Variants in WWC2 observed in about 807,000 individuals in gnomAD.
WWC2 encodes WW and C2 domain containing 2.
A neutral mutation model predicts 138.5 loss-of-function variants in WWC2; 101 were observed. That is an observed-to-expected ratio of 0.73 (90% CI 0.62 to 0.86). The LOEUF (loss-of-function observed/expected upper bound fraction) is 0.86. Among genes scored for constraint, WWC2 ranks in the 40% least tolerant of loss-of-function variants. The pLI, the probability that WWC2 is intolerant of heterozygous loss-of-function variation, is 0.00. For missense variants in WWC2, 1,420 were observed against 1,419.4 expected (o/e 1.00, Z -0.01); for synonymous variants, 558 against 538.4 (o/e 1.04, Z -0.50).
intron 1 of WWC2, among the ~76,000 whole-genome samples, chr4:183,135,557 T>G (rs964344164): frequency 2.6e-5 from 4 of 151,642 alleles, no homozygotes; most frequent in Admixed American, 6.6e-5. Flanking sequence ...TATATATATA[T>G]ATAGATACAC....
Position 183,318,273 on chromosome 4 carries a change from A to G in WWC2, c.*2544A>G, listed in dbSNP as rs1388493216. 2 of 152,680 alleles carry G rather than the reference A, an allele frequency of 1.3e-5. No homozygotes were observed. The highest frequency in any genetic ancestry group is 4.8e-5 in the African/African-American group (2 of 41,474). 9.5% of individuals were successfully genotyped at this position (152,680 alleles called of 1,614,324 possible). On this transcript the variant is annotated 3_prime_UTR_variant, in exon 23 of 23. Coordinates refer to ENST00000403733, the MANE Select transcript of WWC2 (RefSeq NM_024949.6). ...CAAAGTTTAGCTAAATCTCTGTAGC[A>G]TGCAAATCAAATAAATTAAAATTTT...
chr4:183,220,663 T>C (rs1263162897), intron 4 of WWC2, among the ~76,000 whole-genome samples: 3 of 151,518 alleles, frequency 2.0e-5, no homozygotes, highest in Non-Finnish European at 4.4e-5. Context: ...TGAAACGCCA[T>C]CTCTACTAAA....
intron 14 of WWC2, among the ~76,000 whole-genome samples, chr4:183,268,750 G>A (rs1209737393): frequency 1.3e-5 from 2 of 152,172 alleles, no homozygotes; most frequent in Non-Finnish European, 2.9e-5. Context: ...GGTGAGTGGA[G>A]GCTGGGCCAT....
intron 8 of WWC2, among the ~76,000 whole-genome samples, chr4:183,251,930 G>A (rs1045409546): frequency 6.6e-6 from 1 of 151,958 alleles, no homozygotes; most frequent in African/African-American, 2.4e-5. Context: ...TGCTTATTTC[G>A]CATTTTGATG....
rs1393047732 is a variant in WWC2, at chr4:183,316,918, G to A, written c.*1189G>A. 6.6e-6 allele frequency: 1 copy of A among 152,130 alleles called. No individual in the cohort carries two copies. The highest frequency in any genetic ancestry group is 2.1e-4 in the South Asian group (1 of 4,830). 9.4% of individuals were successfully genotyped at this position (152,130 alleles called of 1,614,324 possible). On this transcript the variant is annotated 3_prime_UTR_variant, in exon 23 of 23. Coordinates refer to ENST00000403733, the MANE Select transcript of WWC2 (RefSeq NM_024949.6). Reference sequence around the variant, plus strand: ...CCTATTTTGGATGAACAAGTTTAGAGAGATAAACTGACTAATGTGTCCTCC... The same window carrying A: ...CCTATTTTGGATGAACAAGTTTAGAAAGATAAACTGACTAATGTGTCCTCC...
At chr4:183,127,182 A>G (rs1225274954) in intron 1 of WWC2, among the ~76,000 whole-genome samples, 2 of 152,206 alleles carry the variant, frequency 1.3e-5, no homozygotes, top group African/African-American at 4.8e-5. Flanking sequence ...TGATGATTCA[A>G]AGATTAAACG....
At chr4:183,289,367 T>A (rs976947117) in intron 20 of WWC2, 26 bp from the exon 21 acceptor site, 1 of 1,603,346 alleles carries the variant, frequency 6.2e-7, no homozygotes, top group African/African-American at 1.3e-5. Context: ...ACCAGGGTGT[T>A]CGTCATTCCG....
chr4:183,162,611 A>G (rs1359598463), intron 1 of WWC2, among the ~76,000 whole-genome samples: 1 of 151,748 alleles, frequency 6.6e-6, no homozygotes, highest in Non-Finnish European at 1.5e-5. Context: ...ACATTTCTTC[A>G]TCTTCCCTCT....
At chr4:183,280,681 C>T in intron 16 of WWC2, 95 bp from the exon 17 acceptor site, 4 of 1,347,102 alleles carry the variant, frequency 3.0e-6, no homozygotes, top group Non-Finnish European at 4.0e-6. Context: ...GTTGAGTCGT[C>T]TTTACAGATA....
intron 11 of WWC2, among the ~76,000 whole-genome samples, chr4:183,263,943 G>T (rs1232788714): frequency 6.6e-6 from 1 of 152,134 alleles, no homozygotes; most frequent in Admixed American, 6.5e-5. Context: ...GCCAGTCCCT[G>T]CTGGATGACA....
chr4:183,261,454 G>A lies in WWC2; in HGVS notation c.1831G>A (p.Gly611Arg). 1 of 1,612,552 alleles carries A rather than the reference G, an allele frequency of 6.2e-7. No homozygotes were observed. The highest frequency in any genetic ancestry group is 8.5e-7 in the Non-Finnish European group (1 of 1,179,266). The change falls in exon 11 of 23, where the codon GGA becomes AGA. Residue 611 changes from glycine (G) to arginine (R), a missense_variant. Transcript: ENST00000403733. ...TCAGATTTTGCTGGATTCTGATTCA[G>A]GAGGAGCCTCCCAGTCTCTTTCAGA... is the stretch of plus-strand genomic sequence containing the variant. ...ENQILLDSDS[G>R]GASQSLSEDK...
intron 1 of WWC2, among the ~76,000 whole-genome samples, chr4:183,189,386 G>A (rs555769198): frequency 8.3e-4 from 126 of 151,220 alleles, no homozygotes; most frequent in African/African-American, 3.0e-3. Flanking sequence ...GCAGTGAGCC[G>A]AGATCGCGCC....
chr4:183,311,872 C>A (rs570058031), intron 21 of WWC2, among the ~76,000 whole-genome samples: 2 of 152,048 alleles, frequency 1.3e-5, no homozygotes, highest in Admixed American at 6.5e-5. Context: ...CCACCGCACC[C>A]GGCATGTGCA....
At chr4:183,278,320 C>T (rs1334440458) in intron 16 of WWC2, among the ~76,000 whole-genome samples, 2 of 152,088 alleles carry the variant, frequency 1.3e-5, no homozygotes, top group African/African-American at 2.4e-5. Flanking sequence ...GGGCTCTGTT[C>T]TGTTCCATTG....
At chr4:183,294,220 G>A (rs1427947425) in intron 21 of WWC2, among the ~76,000 whole-genome samples, 2 of 152,070 alleles carry the variant, frequency 1.3e-5, no homozygotes, top group East Asian at 3.9e-4. Flanking sequence ...TAATAATGTG[G>A]AGATGGCCAA....
intron 2 of WWC2, among the ~76,000 whole-genome samples, chr4:183,207,499 C>G (rs1223836263): frequency 6.6e-6 from 1 of 152,136 alleles, no homozygotes; most frequent in Non-Finnish European, 1.5e-5. Flanking sequence ...ATTACTGTTG[C>G]GGACATAAAA....
chr4:183,099,845 A>G (rs1743109175), intron 1 of WWC2, among the ~76,000 whole-genome samples: 1 of 149,960 alleles, frequency 6.7e-6, no homozygotes, highest in Non-Finnish European at 1.5e-5. Context: ...GCCCCGAGGC[A>G]AGGCTGGAGT....
intron 21 of WWC2, among the ~76,000 whole-genome samples, chr4:183,305,707 A>T (rs1205341554): frequency 6.6e-6 from 1 of 152,150 alleles, no homozygotes; most frequent in African/African-American, 2.4e-5. Context: ...ATTTTTTCAG[A>T]CAAACAAAAA....
Position 183,255,873 on chromosome 4 carries a change from T to C in WWC2, c.1196+1874T>C, listed in dbSNP as rs1033269280. 3.3e-5 allele frequency among the ~76,000 whole-genome samples: 5 copies of C among 149,304 alleles called. No individual in the cohort carries two copies. In the East Asian group the frequency reaches 9.7e-4, roughly 29 times the overall value. On this transcript the variant is annotated intron_variant, in intron 9 of 22. Coordinates refer to ENST00000403733, the MANE Select transcript of WWC2 (RefSeq NM_024949.6). ...AATTCCAGTGAAATAGGAGGCTTTT[T>C]TTCCTTTTTTTTTTTTTTAACGAAC...
Sources: allele counts gnomAD v4.1 joint callset (sites outside exome capture counted in the v4.1 genomes callset), GRCh38; gene constraint gnomAD v4.1.1; transcripts MANE v1.5; gene names NCBI Gene and HGNC (gene_info 2026-07-23, HGNC 2026-07-21).